Variants in SEC14L5 observed in about 807,000 individuals in gnomAD.
SEC14L5 encodes the protein SEC14-like protein 5.
Under a neutral mutation model 84.6 loss-of-function variants are expected in SEC14L5, and 96 were observed. The ratio of observed to expected loss-of-function variants is 1.13; its 90% CI spans 0.96 to 1.34. The LOEUF is 1.34. SEC14L5 is among the 40% of genes most tolerant of loss of function. The pLI is 0.00. For missense variants in SEC14L5, 1,224 were observed against 942.5 expected (o/e 1.30, Z -3.91); for synonymous variants, 546 against 383.4 (o/e 1.42, Z -4.95).
chr16:5,012,293 G>C (rs975310688), intron 15 of SEC14L5, among the ~76,000 whole-genome samples: 1 of 152,206 alleles, frequency 6.6e-6, no homozygotes, highest in Non-Finnish European at 1.5e-5. Context: ...GTCTCTGGGA[G>C]GGCTGATTCT....
chr16:5,003,716 C>A (rs897831747), intron 11 of SEC14L5, 143 bp downstream of exon 11: 1 of 615,584 alleles, frequency 1.6e-6, no homozygotes, highest in Non-Finnish European at 2.8e-6. Flanking sequence ...GCATAAAGCT[C>A]ACACTTTTTA....
At chr16:4,959,190 G>C (rs745572886) in intron 1 of SEC14L5, 83 bp from the exon 2 acceptor site, 17 of 698,130 alleles carry the variant, frequency 2.4e-5, no homozygotes, top group East Asian at 1.1e-4. Context: ...GGTGGGGCCA[G>C]GGGCTGCCCC....
chr16:4,982,874 G>A lies in SEC14L5; in HGVS notation c.64-4683G>A, dbSNP rs1446151842. The stretch of plus-strand genomic sequence containing the variant: ...GGCTCGAGTCTGTGCTGTCAGCCAG[G>A]GTGAGACCCTCTAATGGCTCACAGG... On this transcript the variant is annotated intron_variant, in intron 2 of 15. Coordinates refer to ENST00000251170, the MANE Select transcript of SEC14L5 (RefSeq NM_014692.2). Among the ~76,000 whole-genome samples, 4 of 151,892 alleles carry A rather than the reference G, an allele frequency of 2.6e-5. No individual in the cohort carries two copies. In the East Asian group the frequency reaches 7.7e-4, roughly 29 times the overall value.
chr16:4,977,329 C>A (rs1955355024), intron 2 of SEC14L5, among the ~76,000 whole-genome samples: 1 of 150,976 alleles, frequency 6.6e-6, no homozygotes. Flanking sequence ...TGCCTGTAAT[C>A]CCAGGTACTT....
rs1288773024 is a variant in SEC14L5, at chr16:4,967,567, T to A, written c.63+8181T>A. The stretch of plus-strand genomic sequence containing the variant: ...CTCTGACTTTTCTTTCTTTCGTTTT[T>A]TTTTTTTTTTTTTTTTTTTTTTTTT... On this transcript the variant is annotated intron_variant, in intron 2 of 15. Transcript: ENST00000251170. Among the ~76,000 whole-genome samples the A allele has an allele frequency of 9.0e-3, 527 of 58,766 alleles. 18 individuals carry two copies. The highest frequency in any genetic ancestry group is 0.011 in the Non-Finnish European group (336 of 31,690). 38.6% of individuals were successfully genotyped at this position (58,766 alleles called of 152,430 possible).
chr16:5,005,681 G>C (rs1249181579), intron 11 of SEC14L5, among the ~76,000 whole-genome samples: 2 of 151,572 alleles, frequency 1.3e-5, no homozygotes, highest in Non-Finnish European at 2.9e-5. Context: ...CTAACATGGT[G>C]AAACCCCGTC....
rs534967591 is a variant in SEC14L5, at chr16:4,965,794, C to T, written c.63+6408C>T. ...TGGTGGCTCACGCATGTAATCCCAG[C>T]ACTTTAGGAGGCCGAAGCAGGAGGA... On this transcript the variant is annotated intron_variant, in intron 2 of 15. Coordinates refer to ENST00000251170, the MANE Select transcript of SEC14L5 (RefSeq NM_014692.2). 1.5e-3 allele frequency among the ~76,000 whole-genome samples: 231 copies of T among 151,446 alleles called. 2 individuals are homozygous for T. Among genetic ancestry groups the T allele is most frequent in the African/African-American group, 5.4e-3 (224 of 41,264 alleles).
At chr16:4,982,089 A>G (rs975254012) in intron 2 of SEC14L5, among the ~76,000 whole-genome samples, 1 of 152,098 alleles carries the variant, frequency 6.6e-6, no homozygotes. Context: ...AGCAACTGAC[A>G]TGGAGATATG....
chr16:4,998,016 TTTTTTGAGACA>T (rs1361233341), intron 8 of SEC14L5, among the ~76,000 whole-genome samples: 1 of 150,934 alleles, frequency 6.6e-6, no homozygotes, highest in Non-Finnish European at 1.5e-5. Context: ...TTTTTTTTTT[TTTTTTGAGACA>T]GAGTCTGGCT....
rs1955765415 is a variant in SEC14L5, at chr16:5,008,746, G to A, written c.1800+98G>A. 5 of 1,087,076 alleles carry A rather than the reference G, an allele frequency of 4.6e-6. No homozygotes were observed. The Admixed American group carries it at 7.0e-5, about 15-fold the overall frequency. The allele number at this position is 1,087,076 out of a possible 1,614,324, so 67.3% of individuals were successfully genotyped here. ...GATACAGCGGAGGACATACTGGGCT[G>A]CTGGTCCCCAGCCTCAGGGACCCTG... On this transcript the variant is annotated intron_variant, in intron 14 of 15. Coordinates refer to ENST00000251170, the MANE Select transcript of SEC14L5 (RefSeq NM_014692.2).
At chr16:4,985,996 T>C (rs1955482106) in intron 2 of SEC14L5, among the ~76,000 whole-genome samples, 1 of 152,076 alleles carries the variant, frequency 6.6e-6, no homozygotes, top group Non-Finnish European at 1.5e-5. Context: ...TGCTGGATCA[T>C]AAGGTAATTC....
At chr16:4,959,828 T>C (rs1384987176) in intron 2 of SEC14L5, among the ~76,000 whole-genome samples, 1 of 152,150 alleles carries the variant, frequency 6.6e-6, no homozygotes, top group Non-Finnish European at 1.5e-5. Context: ...GTAACCTCCA[T>C]GAAACTGAGG....
intron 12 of SEC14L5, among the ~76,000 whole-genome samples, chr16:5,006,652 T>A (rs577045051): frequency 6.6e-6 from 1 of 152,344 alleles, no homozygotes; most frequent in East Asian, 1.9e-4. Flanking sequence ...ACAGTGAGCT[T>A]GCGTCATTTC....
Position 4,966,010 on chromosome 16 carries a change from C to G in SEC14L5, c.63+6624C>G, listed in dbSNP as rs543834126. On this transcript the variant is annotated intron_variant, in intron 2 of 15. Transcript: ENST00000251170. ...TGAGCTGTGATGTTGCTACTGCAGTCCACCCTGGGCAACAGAGTGAGACCC... is the reference window on the plus strand; with the variant it reads ...TGAGCTGTGATGTTGCTACTGCAGTGCACCCTGGGCAACAGAGTGAGACCC... Among the ~76,000 whole-genome samples the G allele has an allele frequency of 5.9e-5, 9 of 152,034 alleles. No individual in the cohort carries two copies. In the South Asian group the frequency reaches 1.9e-3, roughly 32 times the overall value.
At chr16:4,959,514 C>A in intron 2 of SEC14L5, 128 bp downstream of exon 2, 1 of 805,686 alleles carries the variant, frequency 1.2e-6, no homozygotes, top group Non-Finnish European at 2.1e-6. Context: ...CTCAGCTGAC[C>A]TGGTGGGTTT....
rs1211198593 is a variant in SEC14L5, at chr16:5,008,656, T to G, written c.1800+8T>G. On this transcript the variant is annotated splice_region_variant and intron_variant, in intron 14 of 15. Coordinates refer to ENST00000251170, the MANE Select transcript of SEC14L5 (RefSeq NM_014692.2). ...GAGGGGGAGAGCATCCAGGTTTGCATTTTCTGGACCACTCATTCGCTCACC... is the reference window on the plus strand; with the variant it reads ...GAGGGGGAGAGCATCCAGGTTTGCAGTTTCTGGACCACTCATTCGCTCACC... The G allele has an allele frequency of 5.0e-6, 8 of 1,604,902 alleles. No homozygotes were observed. Among genetic ancestry groups the G allele is most frequent in the Non-Finnish European group, 6.8e-6 (8 of 1,176,072 alleles).
intron 8 of SEC14L5, among the ~76,000 whole-genome samples, chr16:4,999,568 C>T (rs573388166): frequency 1.3e-5 from 2 of 151,066 alleles, no homozygotes; most frequent in African/African-American, 2.4e-5. Flanking sequence ...TGCAGTGAGT[C>T]GAGATCATGC....
intron 2 of SEC14L5, among the ~76,000 whole-genome samples, chr16:4,980,779 C>T (rs1011496905): frequency 9.2e-5 from 14 of 152,196 alleles, no homozygotes; most frequent in South Asian, 4.1e-4. Context: ...GAGGGTGTCC[C>T]GGGAAGAAGG....
chr16:4,962,593 G>A (rs1352974913), intron 2 of SEC14L5, among the ~76,000 whole-genome samples: 1 of 150,662 alleles, frequency 6.6e-6, no homozygotes, highest in Non-Finnish European at 1.5e-5. Context: ...GAGGCTGAGA[G>A]AGGAGAATCG....
Sources: gnomAD v4.1 joint callset for allele counts (sites outside exome capture counted in the v4.1 genomes callset) on GRCh38, gnomAD v4.1.1 for gene constraint, MANE v1.5 for transcripts, NCBI Gene and HGNC (gene_info 2026-07-23, HGNC 2026-07-21) for gene names.